The following CAMK4 variants were observed in gnomAD, a reference collection of about 807,000 sequenced individuals.
CAMK4 encodes calcium/calmodulin dependent protein kinase IV.
A neutral mutation model predicts 44.9 loss-of-function variants in CAMK4; 22 were observed. The observed-to-expected ratio is 0.49, with a 90% confidence interval of 0.35 to 0.70. The LOEUF is 0.70. CAMK4 is among the 30% of genes least tolerant of loss of function. The probability of loss-of-function intolerance (pLI) is 0.01; values close to 1 mark genes in which losing one functional copy is unlikely to be tolerated. For synonymous variants in CAMK4, 218 were observed against 215.4 expected (o/e 1.01, Z -0.11); for missense variants, 498 against 586.8 (o/e 0.85, Z 1.56).
chr5:111,418,811 A>G (rs1158973172), intron 5 of CAMK4, among the ~76,000 whole-genome samples: 1 of 152,188 alleles, frequency 6.6e-6, no homozygotes, highest in Non-Finnish European at 1.5e-5. Context: ...CATGGAGTAT[A>G]TGGGCCACAT....
intron 1 of CAMK4, among the ~76,000 whole-genome samples, chr5:111,341,238 G>A (rs566614594): frequency 6.6e-6 from 1 of 151,178 alleles, no homozygotes; most frequent in Admixed American, 6.6e-5. Context: ...TTCATTTATT[G>A]TATTTTTGAT....
At chr5:111,480,088 C>G (rs1755379960) in intron 9 of CAMK4, among the ~76,000 whole-genome samples, 1 of 152,086 alleles carries the variant, frequency 6.6e-6, no homozygotes, top group Non-Finnish European at 1.5e-5. Context: ...CTCTCCTGTG[C>G]CATCACTCAC....
intron 2 of CAMK4, among the ~76,000 whole-genome samples, chr5:111,371,937 A>G (rs952066144): frequency 1.3e-5 from 2 of 152,210 alleles, no homozygotes; most frequent in African/African-American, 4.8e-5. Flanking sequence ...GAATTGAGGT[A>G]CAAAACTAGG....
intron 1 of CAMK4, among the ~76,000 whole-genome samples, chr5:111,287,738 G>A (rs1751297424): frequency 6.6e-6 from 1 of 152,160 alleles, no homozygotes; most frequent in African/African-American, 2.4e-5. Flanking sequence ...ATGATCAAGT[G>A]TTTAAAAGGT....
At chr5:111,440,319 A>G (rs1251585093) in intron 5 of CAMK4, among the ~76,000 whole-genome samples, 2 of 152,238 alleles carry the variant, frequency 1.3e-5, no homozygotes, top group Non-Finnish European at 2.9e-5. Flanking sequence ...ACTGAGCATA[A>G]ACAAAGTAAC....
At chr5:111,240,810 C>A (rs1748955539) in intron 1 of CAMK4, among the ~76,000 whole-genome samples, 1 of 152,036 alleles carries the variant, frequency 6.6e-6, no homozygotes, top group African/African-American at 2.4e-5. Context: ...GGCTATAGGG[C>A]AATGCTAAGA....
At chr5:111,373,960 G>A (rs1751113002) in intron 2 of CAMK4, among the ~76,000 whole-genome samples, 1 of 152,140 alleles carries the variant, frequency 6.6e-6, no homozygotes. Context: ...CTGGGCTAGA[G>A]AGAATATCCC....
intron 1 of CAMK4, among the ~76,000 whole-genome samples, chr5:111,272,788 C>A (rs536092816): frequency 6.6e-6 from 1 of 152,268 alleles, no homozygotes; most frequent in South Asian, 2.1e-4. Flanking sequence ...TACATCACTT[C>A]TCTGTATAAT....
intron 7 of CAMK4, among the ~76,000 whole-genome samples, chr5:111,463,788 A>AGG (rs2112471014): frequency 6.6e-6 from 1 of 152,338 alleles, no homozygotes; most frequent in African/African-American, 2.4e-5. Flanking sequence ...CCCTAGAGGA[A>AGG]GGGGGAGAGC....
In CAMK4 at chr5:111,338,785, T is replaced by C. The variant is rs182520741; in HGVS notation, c.162-5239T>C. Among the ~76,000 whole-genome samples the C allele has an allele frequency of 7.2e-4, 109 of 151,656 alleles. 1 individual carries two copies. Among genetic ancestry groups the C allele is most frequent in the African/African-American group, 2.3e-3 (95 of 41,504 alleles). On this transcript the variant is annotated intron_variant, in intron 1 of 10. Coordinates refer to ENST00000282356, the MANE Select transcript of CAMK4 (RefSeq NM_001744.6). ...CGATGGCTGTAGGTGTGTGGCTTTA[T>C]TTCTGGGTTCTATATTCTGTTCCAT...
At chr5:111,408,212 C>T (rs990048385) in intron 5 of CAMK4, among the ~76,000 whole-genome samples, 10 of 152,102 alleles carry the variant, frequency 6.6e-5, no homozygotes, top group African/African-American at 2.4e-4. Context: ...ATAAGTGTTT[C>T]CCTCTAAGGA....
chr5:111,337,419 G>A (rs981243669), intron 1 of CAMK4, among the ~76,000 whole-genome samples: 8 of 150,624 alleles, frequency 5.3e-5, no homozygotes, highest in East Asian at 2.0e-4. Context: ...ATAAAACATC[G>A]TCAAGCTGTT....
At chr5:111,376,600 C>T (rs1561449189) in intron 3 of CAMK4, among the ~76,000 whole-genome samples, 1 of 151,686 alleles carries the variant, frequency 6.6e-6, no homozygotes. Flanking sequence ...AAAGTGTTTC[C>T]AAGGCAGACA....
At chr5:111,438,672 TAGG>T (rs1235762583) in intron 5 of CAMK4, among the ~76,000 whole-genome samples, 2 of 152,082 alleles carry the variant, frequency 1.3e-5, no homozygotes, top group African/African-American at 4.8e-5. Flanking sequence ...AAAAGAAGAC[TAGG>T]AGAACAAACA....
chr5:111,363,599 G>T (rs1376132365), intron 2 of CAMK4, among the ~76,000 whole-genome samples: 1 of 152,094 alleles, frequency 6.6e-6, no homozygotes. Context: ...GTGTGTATGT[G>T]TGTATGTTGT....
At chr5:111,469,144 C>CAAA (rs1176120789) in intron 7 of CAMK4, among the ~76,000 whole-genome samples, 17 of 67,490 alleles carry the variant, frequency 2.5e-4, no homozygotes, top group East Asian at 7.5e-4. Flanking sequence ...AACTCCATCT[C>CAAA]AAAAAAAAAA....
At chr5:111,331,352 C>T (rs1026249703) in intron 1 of CAMK4, among the ~76,000 whole-genome samples, 2 of 151,722 alleles carry the variant, frequency 1.3e-5, no homozygotes, top group East Asian at 2.0e-4. Context: ...CATCATTATT[C>T]GTGGAAATGT....
intron 2 of CAMK4, among the ~76,000 whole-genome samples, chr5:111,348,285 G>A (rs1404465150): frequency 1.3e-5 from 2 of 151,946 alleles, no homozygotes; most frequent in African/African-American, 4.8e-5. Context: ...AAATATCTGG[G>A]TTTTAGTAGA....
chr5:111,324,381 A>G (rs1748788166), intron 1 of CAMK4, among the ~76,000 whole-genome samples: 1 of 152,054 alleles, frequency 6.6e-6, no homozygotes, highest in South Asian at 2.1e-4. Context: ...TAAATATAAG[A>G]AAGTTGTCTT....
Sources: allele counts gnomAD v4.1 joint callset (sites outside exome capture counted in the v4.1 genomes callset), GRCh38; gene constraint gnomAD v4.1.1; transcripts MANE v1.5; gene names NCBI Gene and HGNC (gene_info 2026-07-23, HGNC 2026-07-21).